The following CFAP44 variants were observed in gnomAD, a reference collection of about 807,000 sequenced individuals.
CFAP44 encodes cilia and flagella associated protein 44.
In CFAP44, 134 loss-of-function variants were observed where a neutral mutation model predicts 216.2. That is an observed-to-expected ratio of 0.62 (90% CI 0.54 to 0.72). The LOEUF is 0.72. Among genes scored for constraint, CFAP44 ranks in the 30% least tolerant of loss-of-function variants. The pLI, the probability that CFAP44 is intolerant of heterozygous loss-of-function variation, is 0.00. For synonymous variants in CFAP44, 700 were observed against 727.6 expected, an observed-to-expected ratio of 0.96 and a Z score of 0.61; for missense variants, 2,035 against 2,182.1, an observed-to-expected ratio of 0.93 and a Z score of 1.34.
chr3:113,344,739 G>A, intron 22 of CFAP44, 27 bp from the exon 23 acceptor site: 2 of 1,474,174 alleles, frequency 1.4e-6, no homozygotes, highest in East Asian at 5.0e-5. Flanking sequence ...AGTATTTGCA[G>A]TAGTCACCAT....
At chr3:113,398,620 G>A (rs1467923145) in intron 13 of CFAP44, among the ~76,000 whole-genome samples, 4 of 152,106 alleles carry the variant, frequency 2.6e-5, no homozygotes, top group Non-Finnish European at 1.5e-5. Context: ...TAAATGCTCT[G>A]TCATTTCTAC....
intron 28 of CFAP44, among the ~76,000 whole-genome samples, chr3:113,323,196 C>T (rs751091920): frequency 4.1e-4 from 63 of 152,136 alleles, no homozygotes; most frequent in Non-Finnish European, 3.2e-4. Context: ...TACACAACAG[C>T]AAAGACATGG....
chr3:113,292,467 G>A (rs1449116902), intron 34 of CFAP44, among the ~76,000 whole-genome samples: 1 of 152,212 alleles, frequency 6.6e-6, no homozygotes, highest in Non-Finnish European at 1.5e-5. Context: ...TACATAAGTA[G>A]ATGCTCAATA....
Position 113,381,070 on chromosome 3 carries a change from A to G in CFAP44, c.1891-10T>C. Reference sequence around the variant, plus strand: ...GTAAAGTACTTTCAGGCTAAAAAAGAAAAATTGAACATATTTACATTTAGG... The same window carrying G: ...GTAAAGTACTTTCAGGCTAAAAAAGGAAAATTGAACATATTTACATTTAGG... On this transcript the variant is annotated splice_polypyrimidine_tract_variant and intron_variant, in intron 15 of 34. Coordinates refer to ENST00000393845, the MANE Select transcript of CFAP44 (RefSeq NM_001164496.2). 1 of 1,544,074 alleles carries G rather than the reference A, an allele frequency of 6.5e-7. No homozygotes were observed. The highest frequency in any genetic ancestry group is 1.8e-4 in the Middle Eastern group (1 of 5,662).
intron 32 of CFAP44, among the ~76,000 whole-genome samples, chr3:113,299,838 G>A (rs1949917189): frequency 6.6e-6 from 1 of 152,094 alleles, no homozygotes; most frequent in African/African-American, 2.4e-5. Context: ...GACCATCCTG[G>A]GCAACATAGC....
chr3:113,405,798 T>C (rs1034402209), intron 8 of CFAP44, among the ~76,000 whole-genome samples: 2 of 152,244 alleles, frequency 1.3e-5, no homozygotes, highest in Admixed American at 6.5e-5. Context: ...AAGGATTCTA[T>C]TGATCTTTAT....
chr3:113,333,427 T>C lies in CFAP44; in HGVS notation c.3594A>G (p.Glu1198=), dbSNP rs1950256741. 1 of 1,537,054 alleles carries C rather than the reference T, an allele frequency of 6.5e-7. No individual in the cohort carries two copies. The highest frequency in any genetic ancestry group is 1.2e-5 in the South Asian group (1 of 84,036). The change falls in exon 25 of 35, where the codon GAA becomes GAG. Residue 1198 remains glutamate, a synonymous_variant. Transcript: ENST00000393845. ...MRINAAKKEE[E]LGHLDSLVHG... is the part of the protein sequence containing the mutation. The stretch of plus-strand genomic sequence containing the variant: ...GTACCAAAGAATCTAGGTGTCCTAG[T>C]TCCTCTTCCTTCTTGGCAGCATTTA...
intron 25 of CFAP44, 109 bp from the exon 26 acceptor site, chr3:113,330,777 T>A: frequency 7.3e-7 from 1 of 1,366,530 alleles, no homozygotes. Context: ...AAATTCAAGA[T>A]AAAAATTCAT....
At chr3:113,396,801 A>G (rs1211730418) in intron 13 of CFAP44, 74 bp from the exon 14 acceptor site, 2 of 1,405,820 alleles carry the variant, frequency 1.4e-6, no homozygotes, top group Non-Finnish European at 1.9e-6. Context: ...CAGATATTTT[A>G]TTTAGACTCA....
intron 2 of CFAP44, among the ~76,000 whole-genome samples, chr3:113,430,171 A>ATT: frequency 6.6e-6 from 1 of 152,200 alleles, no homozygotes; most frequent in South Asian, 2.1e-4. Flanking sequence ...TAATGATAAG[A>ATT]TACCTTGAAA....
intron 9 of CFAP44, among the ~76,000 whole-genome samples, chr3:113,402,585 A>G (rs1221294353): frequency 6.6e-6 from 1 of 152,248 alleles, no homozygotes; most frequent in Non-Finnish European, 1.5e-5. Context: ...CCCATAGATT[A>G]GCCTGGTTGG....
intron 13 of CFAP44, among the ~76,000 whole-genome samples, chr3:113,397,891 C>T (rs1257877074): frequency 3.3e-5 from 5 of 151,980 alleles, no homozygotes; most frequent in South Asian, 2.1e-4. Flanking sequence ...ACACGGAGTT[C>T]GAGGTCCCCT....
intron 6 of CFAP44, among the ~76,000 whole-genome samples, chr3:113,415,694 G>A (rs1462814937): frequency 6.6e-6 from 1 of 152,128 alleles, no homozygotes; most frequent in East Asian, 1.9e-4. Flanking sequence ...TCTTAATCCT[G>A]AGTTCTAATT....
At position 113,327,366 on chromosome 3, in the gene CFAP44, G is replaced by A. The variant is rs1161426710; in HGVS notation, c.4320+250C>T. On this transcript the variant is annotated intron_variant, in intron 27 of 34. Coordinates refer to ENST00000393845, the MANE Select transcript of CFAP44 (RefSeq NM_001164496.2). ...GTGGCACAATCAAAGGCTAACTTGT[G>A]AAAATTTTATTCTTCTACCTTACAG... 1.7e-4 allele frequency among the ~76,000 whole-genome samples: 26 copies of A among 152,008 alleles called. 2 individuals are homozygous for A. Among genetic ancestry groups the A allele is most frequent in the Admixed American group, 1.6e-3 (25 of 15,254 alleles).
At chr3:113,418,073 T>G (rs1009429806) in intron 5 of CFAP44, among the ~76,000 whole-genome samples, 5 of 151,742 alleles carry the variant, frequency 3.3e-5, no homozygotes, top group Admixed American at 3.3e-4. Context: ...TTTATTTATT[T>G]ATTTATTTAT....
intron 17 of CFAP44, among the ~76,000 whole-genome samples, chr3:113,376,457 C>A (rs1047163353): frequency 6.6e-6 from 1 of 152,080 alleles, no homozygotes. Flanking sequence ...AAAGAGGGGG[C>A]CCAAGGCCGC....
At chr3:113,301,856 T>G (rs1250160462) in intron 32 of CFAP44, among the ~76,000 whole-genome samples, 1 of 152,244 alleles carries the variant, frequency 6.6e-6, no homozygotes, top group African/African-American at 2.4e-5. Flanking sequence ...TAGTATACAA[T>G]AGATCTCTTG....
At chr3:113,373,238 T>C (rs1933230642) in intron 18 of CFAP44, among the ~76,000 whole-genome samples, 173 bp downstream of exon 18, 1 of 152,240 alleles carries the variant, frequency 6.6e-6, no homozygotes, top group African/African-American at 2.4e-5. Flanking sequence ...TATTTAAATA[T>C]AATTTCAGTA....
chr3:113,290,791 A>C lies in CFAP44; in HGVS notation c.*766T>G, dbSNP rs1297470720. 1.3e-5 allele frequency: 2 copies of C among 152,240 alleles called. No individual in the cohort carries two copies. Among genetic ancestry groups the C allele is most frequent in the Admixed American group, 1.3e-4 (2 of 15,288 alleles). 9.4% of individuals were successfully genotyped at this position (152,240 alleles called of 1,614,324 possible). ...AACCTGAAAGAAAATGGCAGGGGAC[A>C]TGAGAAACTATGGGGAAAACTTAGA... On this transcript the variant is annotated 3_prime_UTR_variant, in exon 35 of 35. Transcript: ENST00000393845.
Sources: allele counts gnomAD v4.1 joint callset (sites outside exome capture counted in the v4.1 genomes callset), GRCh38; gene constraint gnomAD v4.1.1; transcripts MANE v1.5; gene names NCBI Gene and HGNC (gene_info 2026-07-23, HGNC 2026-07-21).